The following C2CD3 variants were observed in gnomAD, a reference collection of about 807,000 sequenced individuals.
C2CD3 encodes the protein C2 domain containing 3 centriole elongation regulator.
A neutral mutation model predicts 234.0 loss-of-function variants in C2CD3; 148 were observed. The observed-to-expected ratio is 0.63, with a 90% CI of 0.55 to 0.72. The LOEUF is 0.72. C2CD3 is among the 30% of genes least tolerant of loss of function. C2CD3 has a pLI of 0.00. For synonymous variants in C2CD3, 1,000 were observed against 1,035.4 expected (o/e 0.97, Z 0.66); for missense variants, 2,577 against 2,811.5 (o/e 0.92, Z 1.89).
chr11:74,162,858 C>T (rs1465053226), intron 2 of C2CD3, among the ~76,000 whole-genome samples: 3 of 152,190 alleles, frequency 2.0e-5, no homozygotes, highest in African/African-American at 7.2e-5. Context: ...ATTGCCCTTG[C>T]ACAGCTGCAA....
chr11:74,127,558 T>C (rs887933923), intron 7 of C2CD3, among the ~76,000 whole-genome samples: 11 of 152,064 alleles, frequency 7.2e-5, no homozygotes, highest in African/African-American at 2.7e-4. Flanking sequence ...CATAGATGTA[T>C]GTTGTAGTTT....
At position 74,095,214 on chromosome 11, in the gene C2CD3, A is replaced by G. The variant is rs1450050693; in HGVS notation, c.3160+14T>C. On this transcript the variant is annotated intron_variant, in intron 17 of 32. Coordinates refer to ENST00000334126, the MANE Select transcript of C2CD3 (RefSeq NM_001286577.2). ...AACCATATAAGAATAAGAAAGCCTA[A>G]TATCTAAACCTACCATTTTCAAGGA... The G allele has an allele frequency of 6.4e-7, 1 of 1,568,302 alleles. No individual in the cohort carries two copies. The highest frequency in any genetic ancestry group is 8.6e-7 in the Non-Finnish European group (1 of 1,156,370).
chr11:74,137,029 G>C (rs1401610954), intron 5 of C2CD3, among the ~76,000 whole-genome samples: 11 of 146,948 alleles, frequency 7.5e-5, no homozygotes, highest in Admixed American at 1.4e-4. Flanking sequence ...CTTTCTCTTT[G>C]CTTTTTTTTT....
At chr11:74,157,824 A>G (rs1265102487) in intron 3 of C2CD3, among the ~76,000 whole-genome samples, 1 of 152,196 alleles carries the variant, frequency 6.6e-6, no homozygotes, top group African/African-American at 2.4e-5. Flanking sequence ...CTAGTATCTC[A>G]TGCATATCTA....
chr11:74,027,431 A>G (rs187872400), intron 32 of C2CD3, among the ~76,000 whole-genome samples: 67 of 152,288 alleles, frequency 4.4e-4, no homozygotes, highest in African/African-American at 1.4e-3. Context: ...TTAAATAGGC[A>G]TAATGATAGT....
intron 22 of C2CD3, among the ~76,000 whole-genome samples, chr11:74,083,495 G>C (rs1322082980): frequency 6.6e-6 from 1 of 152,196 alleles, no homozygotes; most frequent in Non-Finnish European, 1.5e-5. Flanking sequence ...TACCATTAGA[G>C]TGAACAGGCA....
chr11:74,085,356 A>G (rs1281506945), intron 21 of C2CD3, among the ~76,000 whole-genome samples: 1 of 152,124 alleles, frequency 6.6e-6, no homozygotes, highest in Non-Finnish European at 1.5e-5. Flanking sequence ...AAAGTTGCAA[A>G]AATATAATAA....
chr11:74,106,584 G>A (rs1956529024), intron 12 of C2CD3, 91 bp from the exon 13 acceptor site: 1 of 1,208,718 alleles, frequency 8.3e-7, no homozygotes, highest in Non-Finnish European at 1.2e-6. Flanking sequence ...GGCTTATAAA[G>A]GAAACCATTC....
intron 3 of C2CD3, among the ~76,000 whole-genome samples, chr11:74,146,747 CAATT>C (rs1183323284): frequency 6.9e-6 from 1 of 144,112 alleles, no homozygotes; most frequent in East Asian, 2.0e-4. Context: ...CACACACACA[CAATT>C]AACATATGAA....
chr11:74,062,514 C>G (rs2135446401), intron 24 of C2CD3, among the ~76,000 whole-genome samples: 1 of 152,280 alleles, frequency 6.6e-6, no homozygotes, highest in African/African-American at 2.4e-5. Context: ...CAACCTGCTC[C>G]TGAATGACTA....
intron 31 of C2CD3, among the ~76,000 whole-genome samples, chr11:74,031,774 TCTC>T (rs1403866219): frequency 2.0e-5 from 3 of 152,152 alleles, no homozygotes; most frequent in Non-Finnish European, 4.4e-5. Context: ...ACATGTGGCA[TCTC>T]CTCCATCGGC....
intron 24 of C2CD3, among the ~76,000 whole-genome samples, chr11:74,064,497 C>G (rs966079541): frequency 2.6e-5 from 4 of 152,100 alleles, no homozygotes; most frequent in Non-Finnish European, 5.9e-5. Flanking sequence ...CCATACTGCC[C>G]AAGGTAATTT....
chr11:74,062,900 A>G (rs1019763572), intron 24 of C2CD3, among the ~76,000 whole-genome samples: 1 of 152,168 alleles, frequency 6.6e-6, no homozygotes, highest in African/African-American at 2.4e-5. Context: ...AATAAAGAAG[A>G]AAAGAGAGAA....
intron 30 of C2CD3, chr11:74,036,476 GT>G: frequency 2.2e-6 from 1 of 456,052 alleles, no homozygotes; most frequent in South Asian, 1.5e-5. Flanking sequence ...ATACCAACAG[GT>G]TAGGTATCTG....
At chr11:74,025,955 T>C (rs981440886) in intron 32 of C2CD3, among the ~76,000 whole-genome samples, 1 of 151,950 alleles carries the variant, frequency 6.6e-6, no homozygotes, top group Non-Finnish European at 1.5e-5. Context: ...GATGGGTGTG[T>C]GTGGGAAATG....
chr11:74,126,034 T>C (rs1414593131), intron 7 of C2CD3, among the ~76,000 whole-genome samples: 1 of 152,210 alleles, frequency 6.6e-6, no homozygotes, highest in Non-Finnish European at 1.5e-5. Context: ...AAATGTTCAG[T>C]AGAAGACATT....
Position 74,057,545 on chromosome 11 carries a change from C to G in C2CD3, c.4952-1G>C, listed in dbSNP as rs1194471066. On this transcript the variant is annotated splice_acceptor_variant, in intron 24 of 32. Transcript: ENST00000334126. LOFTEE classifies it high-confidence loss of function. ...ACTTTCCGCTCTGTCAAGGGGCTCC[C>G]TGAAATAGAATAAAGTGCAGTGACT... is the stretch of plus-strand genomic sequence containing the variant. 6.2e-7 allele frequency: 1 copy of G among 1,614,110 alleles called. No individual in the cohort carries two copies. Among genetic ancestry groups the G allele is most frequent in the Non-Finnish European group, 8.5e-7 (1 of 1,179,996 alleles).
intron 3 of C2CD3, among the ~76,000 whole-genome samples, chr11:74,159,103 C>T (rs183720246): frequency 4.5e-3 from 683 of 152,238 alleles, no homozygotes; most frequent in Admixed American, 6.6e-3. Flanking sequence ...TTCCTATCGC[C>T]TAGTGACTAT....
In C2CD3 at chr11:74,114,371, G is replaced by T; in HGVS notation, c.1730+13C>A. On this transcript the variant is annotated intron_variant, in intron 10 of 32. Transcript: ENST00000334126. Reference sequence around the variant, plus strand: ...AAAATGTCAAATTTAGCTTTCTCATGTTAGAGACATACCGCTTTTTTGCTG... The same window carrying T: ...AAAATGTCAAATTTAGCTTTCTCATTTTAGAGACATACCGCTTTTTTGCTG... The T allele has an allele frequency of 1.2e-6, 2 of 1,600,768 alleles. No homozygotes were observed. The highest frequency in any genetic ancestry group is 1.7e-6 in the Non-Finnish European group (2 of 1,168,838).
Sources: gnomAD v4.1 joint callset for allele counts (sites outside exome capture counted in the v4.1 genomes callset) on GRCh38, gnomAD v4.1.1 for gene constraint, MANE v1.5 for transcripts, NCBI Gene and HGNC (gene_info 2026-07-23, HGNC 2026-07-21) for gene names.